The following SPTLC1 variants were observed in gnomAD, a reference collection of about 807,000 sequenced individuals.
SPTLC1 encodes serine palmitoyltransferase 1.
In SPTLC1, 55 loss-of-function variants were observed where a neutral mutation model predicts 68.9. The ratio of observed to expected loss-of-function variants is 0.80; its 90% CI spans 0.64 to 1.00. The LOEUF (loss-of-function observed/expected upper bound fraction) is 1.00, where lower values mean the gene tolerates loss of function less well. Ranked by LOEUF, SPTLC1 falls within the 50% of genes least tolerant of loss-of-function variation. The probability of loss-of-function intolerance (pLI) is 0.00; values close to 1 mark genes in which losing one functional copy is unlikely to be tolerated. For missense variants in SPTLC1, 449 were observed against 573.1 expected, an observed-to-expected ratio of 0.78 and a Z score of 2.21; for synonymous variants, 197 against 201.6, an observed-to-expected ratio of 0.98 and a Z score of 0.19.
At chr9:92,082,486 G>A (rs1347622428) in intron 3 of SPTLC1, among the ~76,000 whole-genome samples, 25 of 146,686 alleles carry the variant, frequency 1.7e-4, no homozygotes, top group South Asian at 4.4e-4. Context: ...GAGAACATGC[G>A]GTGTTTGGTT....
At chr9:92,096,899 G>GAA (rs141055978) in intron 3 of SPTLC1, among the ~76,000 whole-genome samples, 1 of 148,826 alleles carries the variant, frequency 6.7e-6, no homozygotes, top group Non-Finnish European at 1.5e-5. Flanking sequence ...CCCACAGAAT[G>GAA]AAAAAAAAAA....
At chr9:92,100,114 C>CA (rs796865066) in intron 3 of SPTLC1, among the ~76,000 whole-genome samples, 16,805 of 94,850 alleles carry the variant, frequency 0.18, 2,076 homozygotes, top group African/African-American at 0.4. Context: ...AGTTTCTTAA[C>CA]AAAAAAAAAA....
chr9:92,076,486 C>T (rs970578742), intron 5 of SPTLC1, among the ~76,000 whole-genome samples: 3 of 152,190 alleles, frequency 2.0e-5, no homozygotes, highest in African/African-American at 7.2e-5. Flanking sequence ...CTCAAGGCAA[C>T]TGGTTTTTAG....
intron 3 of SPTLC1, chr9:92,105,465 G>A (rs1197705888): frequency 4.6e-6 from 5 of 1,096,918 alleles, no homozygotes; most frequent in Non-Finnish European, 6.5e-6. Flanking sequence ...AGCACTTTGG[G>A]AGGCCCAGGC....
chr9:92,042,639 A>G (rs1833391670), intron 12 of SPTLC1, among the ~76,000 whole-genome samples: 1 of 152,170 alleles, frequency 6.6e-6, no homozygotes, highest in Admixed American at 6.5e-5. Flanking sequence ...ATGTTCATGG[A>G]TGACATTTCC....
At chr9:92,115,181 TC>T in intron 1 of SPTLC1, 132 bp downstream of exon 1, 2 of 805,466 alleles carry the variant, frequency 2.5e-6, no homozygotes, top group Non-Finnish European at 4.2e-6. Context: ...CGGCAGTCCT[TC>T]CAGCAAGAGG....
chr9:92,098,457 G>C (rs1835622882), intron 3 of SPTLC1, among the ~76,000 whole-genome samples: 1 of 152,034 alleles, frequency 6.6e-6, no homozygotes. Flanking sequence ...CAGCCTTATT[G>C]ATCCACAGTG....
chr9:92,080,064 T>TTAA lies in SPTLC1; in HGVS notation c.378_379insTTA (p.Lys126_Lys127insLeu). 7 of 1,614,006 alleles carry TTAA rather than the reference T, an allele frequency of 4.3e-6. No homozygotes were observed. The highest frequency in any genetic ancestry group is 5.9e-6 in the Non-Finnish European group (7 of 1,179,872). ...GGTCCACAAGTCCCCACGCCATACT[T>TTAA]CTTTAGAGATGCTAAAGCTGCTGCC... On this transcript the variant is annotated inframe_insertion, in exon 5 of 15. Coordinates refer to ENST00000262554, the MANE Select transcript of SPTLC1 (RefSeq NM_006415.4).
chr9:92,107,209 G>GAA (rs1173273974), intron 3 of SPTLC1, among the ~76,000 whole-genome samples: 1 of 152,158 alleles, frequency 6.6e-6, no homozygotes, highest in Non-Finnish European at 1.5e-5. Context: ...TAAAGCTGTG[G>GAA]TATACATGAA....
At chr9:92,069,493 A>T (rs529844270) in intron 5 of SPTLC1, among the ~76,000 whole-genome samples, 1 of 152,338 alleles carries the variant, frequency 6.6e-6, no homozygotes, top group African/African-American at 2.4e-5. Context: ...CTTCGAGTAT[A>T]AGACCTCTGA....
chr9:92,073,387 G>A (rs1041712629), intron 5 of SPTLC1, among the ~76,000 whole-genome samples: 15 of 152,196 alleles, frequency 9.9e-5, no homozygotes, highest in Admixed American at 2.6e-4. Context: ...GGCAGTACCC[G>A]TGAAGGCCCC....
intron 6 of SPTLC1, among the ~76,000 whole-genome samples, chr9:92,064,830 G>A (rs563942775): frequency 1.2e-4 from 18 of 152,296 alleles, no homozygotes; most frequent in African/African-American, 4.1e-4. Flanking sequence ...AGAGAATTAC[G>A]CTAAATGAAA....
rs139644670 is a variant in SPTLC1, at chr9:92,064,999, G to A, written c.560+2967C>T. The stretch of plus-strand genomic sequence containing the variant: ...TGGCAACATGAAGGATCCCTGTGGC[G>A]ACAGAAATGTTCTGCATCTTGACAA... On this transcript the variant is annotated intron_variant, in intron 6 of 14. Coordinates refer to ENST00000262554, the MANE Select transcript of SPTLC1 (RefSeq NM_006415.4). 1.5e-4 allele frequency among the ~76,000 whole-genome samples: 23 copies of A among 152,324 alleles called. No homozygotes were observed. In the East Asian group the frequency reaches 3.9e-3, roughly 26 times the overall value.
chr9:92,064,348 C>A (rs1367612865), intron 6 of SPTLC1, among the ~76,000 whole-genome samples: 1 of 152,132 alleles, frequency 6.6e-6, no homozygotes, highest in Non-Finnish European at 1.5e-5. Flanking sequence ...AGACATTTCA[C>A]TGAAGAGATG....
chr9:92,055,303 G>T, intron 8 of SPTLC1, 102 bp downstream of exon 8: 2 of 1,565,258 alleles, frequency 1.3e-6, no homozygotes, highest in Non-Finnish European at 8.6e-7. Context: ...GGCCTAATGC[G>T]CAAAGCAACG....
intron 3 of SPTLC1, among the ~76,000 whole-genome samples, chr9:92,086,694 C>G (rs1835148604): frequency 6.6e-6 from 1 of 152,038 alleles, no homozygotes; most frequent in Admixed American, 6.6e-5. Flanking sequence ...TTCATTTCAA[C>G]TTTGGTGAAT....
intron 6 of SPTLC1, among the ~76,000 whole-genome samples, chr9:92,067,375 G>A (rs575031550): frequency 3.9e-4 from 59 of 152,106 alleles, no homozygotes; most frequent in Non-Finnish European, 6.9e-4. Flanking sequence ...CTCATAGGAC[G>A]ACAGGGCTTG....
At chr9:92,038,966 A>G (rs563295163) in intron 12 of SPTLC1, among the ~76,000 whole-genome samples, 13 of 152,190 alleles carry the variant, frequency 8.5e-5, no homozygotes, top group Non-Finnish European at 1.6e-4. Flanking sequence ...ATCTCTACAA[A>G]TAAAACAAAA....
At chr9:92,108,438 A>C (rs1386887038) in intron 3 of SPTLC1, 8 of 353,112 alleles carry the variant, frequency 2.3e-5, no homozygotes, top group Non-Finnish European at 2.8e-5. Context: ...GAAAATAACC[A>C]GATGGGTAAA....
Sources: allele counts gnomAD v4.1 joint callset (sites outside exome capture counted in the v4.1 genomes callset), GRCh38; gene constraint gnomAD v4.1.1; transcripts MANE v1.5; gene names NCBI Gene and HGNC (gene_info 2026-07-23, HGNC 2026-07-21).